The following ADAMTS17 variants were observed in gnomAD, a reference collection of about 807,000 sequenced individuals.
ADAMTS17 encodes the protein A disintegrin and metalloproteinase with thrombospondin motifs 17.
Under a neutral mutation model 141.5 loss-of-function variants are expected in ADAMTS17, and 113 were observed. That is an observed-to-expected ratio of 0.80 (90% CI 0.69 to 0.93). The LOEUF is 0.93. ADAMTS17 is among the 40% of genes least tolerant of loss of function. The pLI, the probability that ADAMTS17 is intolerant of heterozygous loss-of-function variation, is 0.00. For missense variants in ADAMTS17, 1,659 were observed against 1,517.9 expected (o/e 1.09, Z -1.54); for synonymous variants, 768 against 630.6 (o/e 1.22, Z -3.27).
chr15:100,109,696 G>A (rs2036630515), intron 13 of ADAMTS17, among the ~76,000 whole-genome samples: 1 of 152,090 alleles, frequency 6.6e-6, no homozygotes, highest in Admixed American at 6.5e-5. Context: ...ACTTATAAGA[G>A]CCGCATGTGC....
chr15:100,315,233 C>T (rs1261376754), intron 3 of ADAMTS17, among the ~76,000 whole-genome samples: 1 of 152,202 alleles, frequency 6.6e-6, no homozygotes, highest in Non-Finnish European at 1.5e-5. Context: ...GATAAGGAGT[C>T]CACCGTGCAG....
chr15:100,087,763 A>C (rs1447524983), intron 15 of ADAMTS17, among the ~76,000 whole-genome samples: 1 of 152,216 alleles, frequency 6.6e-6, no homozygotes, highest in African/African-American at 2.4e-5. Context: ...ATAGATGCAG[A>C]AAAGGCCTCT....
intron 4 of ADAMTS17, among the ~76,000 whole-genome samples, chr15:100,278,686 G>C (rs2044184112): frequency 2.0e-5 from 3 of 152,324 alleles, no homozygotes; most frequent in African/African-American, 7.2e-5. Flanking sequence ...AGCCAGTCCT[G>C]GAAAGTCTTC....
At chr15:99,996,194 A>G (rs563520300) in intron 19 of ADAMTS17, among the ~76,000 whole-genome samples, 6 of 152,244 alleles carry the variant, frequency 3.9e-5, no homozygotes, top group African/African-American at 1.4e-4. Flanking sequence ...AGCTGGGATT[A>G]CAGGCATGCG....
At position 100,024,848 on chromosome 15, in the gene ADAMTS17, C is replaced by T. The variant is rs1034319473; in HGVS notation, c.2591+24009G>A. ...CCTGCCGGTCAATGTTTCCTTAGCA[C>T]GTGACCTTGACAAATACATGTCTAG... is the stretch of plus-strand genomic sequence containing the variant. On this transcript the variant is annotated intron_variant, in intron 18 of 21. Coordinates refer to ENST00000268070, the MANE Select transcript of ADAMTS17 (RefSeq NM_139057.4). 8.5e-5 allele frequency among the ~76,000 whole-genome samples: 13 copies of T among 152,198 alleles called. 1 individual carries two copies. Among genetic ancestry groups the T allele is most frequent in the South Asian group, 4.1e-4 (2 of 4,822 alleles).
chr15:100,030,156 G>A (rs557628326), intron 18 of ADAMTS17, among the ~76,000 whole-genome samples: 1 of 152,126 alleles, frequency 6.6e-6, no homozygotes, highest in Non-Finnish European at 1.5e-5. Flanking sequence ...CTGTTCTCAT[G>A]ATTCAGGGTA....
chr15:100,217,185 C>T (rs2041994936), intron 7 of ADAMTS17, among the ~76,000 whole-genome samples: 1 of 152,118 alleles, frequency 6.6e-6, no homozygotes, highest in African/African-American at 2.4e-5. Context: ...TCATCTCGGA[C>T]AAGGCAGGCA....
chr15:100,143,333 G>C (rs2038747750), intron 10 of ADAMTS17, among the ~76,000 whole-genome samples: 2 of 152,356 alleles, frequency 1.3e-5, no homozygotes, highest in Non-Finnish European at 2.9e-5. Context: ...AGCTTAAGTA[G>C]CTTGAAAGTG....
intron 15 of ADAMTS17, among the ~76,000 whole-genome samples, chr15:100,071,189 C>G (rs559270431): frequency 6.7e-6 from 1 of 150,242 alleles, no homozygotes; most frequent in East Asian, 1.9e-4. Flanking sequence ...AAGACTAAAC[C>G]AGGAAGAAGT....
At chr15:100,323,460 A>G (rs1157988735) in intron 3 of ADAMTS17, among the ~76,000 whole-genome samples, 1 of 152,240 alleles carries the variant, frequency 6.6e-6, no homozygotes, top group African/African-American at 2.4e-5. Context: ...GAAATATTAC[A>G]TATGAAAATT....
intron 4 of ADAMTS17, among the ~76,000 whole-genome samples, chr15:100,270,034 C>T (rs989647349): frequency 2.9e-4 from 44 of 152,316 alleles, no homozygotes; most frequent in Middle Eastern, 6.8e-3. Context: ...CTTTGCATGA[C>T]GCCAGTTTTC....
At chr15:100,275,506 C>G (rs1004220131) in intron 4 of ADAMTS17, among the ~76,000 whole-genome samples, 1 of 152,176 alleles carries the variant, frequency 6.6e-6, no homozygotes, top group Non-Finnish European at 1.5e-5. Flanking sequence ...GGCAGTCAGT[C>G]CAGGGTGGAG....
chr15:100,341,748 G>A, intron 1 of ADAMTS17, 73 bp downstream of exon 1: 1 of 1,501,440 alleles, frequency 6.7e-7, no homozygotes. Context: ...CGGGCCGCCA[G>A]GACGCCGCGA....
chr15:100,216,241 T>C (rs1596298855), intron 7 of ADAMTS17, among the ~76,000 whole-genome samples: 2 of 152,300 alleles, frequency 1.3e-5, no homozygotes, highest in African/African-American at 4.8e-5. Context: ...ACAAATATTA[T>C]CTAACACTGC....
intron 8 of ADAMTS17, among the ~76,000 whole-genome samples, chr15:100,157,308 A>C (rs1255193571): frequency 2.0e-5 from 3 of 152,230 alleles, no homozygotes. Flanking sequence ...TCCTCAAAGA[A>C]GAGGCTTTCC....
intron 18 of ADAMTS17, among the ~76,000 whole-genome samples, chr15:100,038,333 T>C (rs889305817): frequency 2.7e-4 from 41 of 152,350 alleles, no homozygotes; most frequent in Non-Finnish European, 2.1e-4. Context: ...TTTTCTAAGA[T>C]TGTTTTGATG....
intron 3 of ADAMTS17, among the ~76,000 whole-genome samples, chr15:100,305,455 C>T (rs997048696): frequency 5.9e-5 from 9 of 152,198 alleles, no homozygotes; most frequent in South Asian, 4.1e-4. Flanking sequence ...ACGACAAGAG[C>T]GCTGGCAAAA....
intron 7 of ADAMTS17, among the ~76,000 whole-genome samples, chr15:100,206,387 T>C (rs1367086312): frequency 2.0e-5 from 3 of 152,216 alleles, no homozygotes; most frequent in South Asian, 4.1e-4. Flanking sequence ...ACTGGCAGCA[T>C]GAGGGTGATG....
At chr15:100,189,460 A>G (rs2040840427) in intron 8 of ADAMTS17, among the ~76,000 whole-genome samples, 1 of 152,222 alleles carries the variant, frequency 6.6e-6, no homozygotes, top group African/African-American at 2.4e-5. Flanking sequence ...AGCATGTGCC[A>G]CAAAGCTTCA....
Sources: allele counts gnomAD v4.1 joint callset (sites outside exome capture counted in the v4.1 genomes callset), GRCh38; gene constraint gnomAD v4.1.1; transcripts MANE v1.5; gene names NCBI Gene and HGNC (gene_info 2026-07-23, HGNC 2026-07-21).